Variants in RIPOR3 observed in about 807,000 individuals in gnomAD.
RIPOR3 encodes RIPOR family member 3, also known as family with sequence similarity 65 member C.
Under a neutral mutation model 114.3 loss-of-function variants are expected in RIPOR3, and 95 were observed. That is an observed-to-expected ratio of 0.83 (90% confidence interval 0.70 to 0.99). The LOEUF is 0.99. RIPOR3 is among the 50% of genes least tolerant of loss of function. The pLI is 0.00. For missense variants in RIPOR3, 1,252 were observed against 1,266.9 expected, an observed-to-expected ratio of 0.99 and a Z score of 0.18; for synonymous variants, 575 against 543.8, an observed-to-expected ratio of 1.06 and a Z score of -0.80.
At chr20:50,612,058 G>A (rs2083996814) in intron 4 of RIPOR3, among the ~76,000 whole-genome samples, 1 of 151,464 alleles carries the variant, frequency 6.6e-6, no homozygotes. Flanking sequence ...CTCAGAGGTG[G>A]AGGTTGCAGT....
At chr20:50,644,212 T>C (rs932261370) in intron 1 of RIPOR3, among the ~76,000 whole-genome samples, 1 of 152,150 alleles carries the variant, frequency 6.6e-6, no homozygotes, top group Non-Finnish European at 1.5e-5. Context: ...CCTCATGTAA[T>C]CCTCCCAGCT....
At chr20:50,667,664 G>C (rs1437863392) in intron 1 of RIPOR3, among the ~76,000 whole-genome samples, 1 of 152,204 alleles carries the variant, frequency 6.6e-6, no homozygotes, top group East Asian at 1.9e-4. Context: ...AGAGGGGAGG[G>C]CAGGGGCCAT....
At chr20:50,684,900 C>T (rs932876113) in intron 1 of RIPOR3, among the ~76,000 whole-genome samples, 1 of 152,144 alleles carries the variant, frequency 6.6e-6, no homozygotes, top group Non-Finnish European at 1.5e-5. Flanking sequence ...CTCAGTTTCC[C>T]GAGTACCTGG....
rs71190582 is a variant in RIPOR3 at position 50,643,706 on chromosome 20, CTTTT to C, written c.4-12854_4-12851del. Reference sequence around the variant, plus strand: ...GGCAGGAGGATTTCTTTCTTTCTTTCTTTTTTTTTTTTTTTTTGAGATGGAGCCT... The same window carrying C: ...GGCAGGAGGATTTCTTTCTTTCTTTCTTTTTTTTTTTTTGAGATGGAGCCT... On this transcript the variant is annotated intron_variant, in intron 1 of 21. Coordinates refer to ENST00000327979, the MANE Select transcript of RIPOR3 (RefSeq NM_001290268.2). 9.3e-3 allele frequency among the ~76,000 whole-genome samples: 1,259 copies of C among 134,952 alleles called. 16 individuals are homozygous for C. Among genetic ancestry groups the C allele is most frequent in the African/African-American group, 0.033 (1,201 of 35,954 alleles). 88.5% of individuals were successfully genotyped at this position (134,952 alleles called of 152,430 possible). A position where few individuals can be genotyped will look rare whatever the true frequency, so the allele number is the denominator to read the frequency against.
At chr20:50,642,189 A>C (rs1600662955) in intron 1 of RIPOR3, among the ~76,000 whole-genome samples, 1 of 151,970 alleles carries the variant, frequency 6.6e-6, no homozygotes, top group African/African-American at 2.4e-5. Flanking sequence ...CCGGCTTCCC[A>C]ATCTCCTCTT....
intron 1 of RIPOR3, among the ~76,000 whole-genome samples, chr20:50,674,493 G>A (rs1012020300): frequency 1.3e-5 from 2 of 151,384 alleles, no homozygotes; most frequent in African/African-American, 4.9e-5. Flanking sequence ...TTGATTAGGT[G>A]GTGTTGTGAG....
intron 1 of RIPOR3, among the ~76,000 whole-genome samples, chr20:50,657,586 GATT>G (rs2085854840): frequency 6.6e-6 from 1 of 152,000 alleles, no homozygotes. Context: ...CTGCATTGAG[GATT>G]ATTACCTTTT....
chr20:50,587,939 C>T, intron 20 of RIPOR3, 47 bp from the exon 21 acceptor site: 4 of 1,583,808 alleles, frequency 2.5e-6, no homozygotes, highest in Non-Finnish European at 3.5e-6. Context: ...GCCTTCTCAA[C>T]AGCAGGTAGA....
At chr20:50,596,114 C>G in intron 15 of RIPOR3, 26 bp downstream of exon 15, 2 of 1,613,882 alleles carry the variant, frequency 1.2e-6, no homozygotes, top group Non-Finnish European at 1.7e-6. Context: ...TCTGCCCCTC[C>G]CTGACAAGTC....
chr20:50,594,803 G>C (rs1040321828), intron 16 of RIPOR3, 89 bp from the exon 17 acceptor site: 17 of 1,445,894 alleles, frequency 1.2e-5, no homozygotes, highest in Non-Finnish European at 1.4e-5. Context: ...AGGACCTGAG[G>C]GGGTAGGGAG....
At chr20:50,642,065 C>T (rs2085217458) in intron 1 of RIPOR3, among the ~76,000 whole-genome samples, 1 of 152,154 alleles carries the variant, frequency 6.6e-6, no homozygotes, top group African/African-American at 2.4e-5. Context: ...GGGAGAGGCT[C>T]CTCCTGCTCC....
Position 50,666,183 on chromosome 20 carries a change from A to ATTTCTTTTCTTTTCTTTTCT in RIPOR3, c.3+24923_3+24942dup, listed in dbSNP as rs60151515. Among the ~76,000 whole-genome samples, 399 of 43,768 alleles carry ATTTCTTTTCTTTTCTTTTCT rather than the reference A, an allele frequency of 9.1e-3. 99 individuals carry two copies. Among genetic ancestry groups the ATTTCTTTTCTTTTCTTTTCT allele is most frequent in the East Asian group, 0.087 (77 of 890 alleles). 28.7% of individuals were successfully genotyped at this position (43,768 alleles called of 152,430 possible). A position where few individuals can be genotyped will look rare whatever the true frequency, so the allele number is the denominator to read the frequency against. On this transcript the variant is annotated intron_variant, in intron 1 of 21. Coordinates refer to ENST00000327979, the MANE Select transcript of RIPOR3 (RefSeq NM_001290268.2). Reference sequence around the variant, plus strand: ...CCTAGAATACAGAGAAAGGACACCCATTTCTTTTCTTTTCTTTTCTTTTCT... The same window carrying ATTTCTTTTCTTTTCTTTTCT: ...CCTAGAATACAGAGAAAGGACACCCATTTCTTTTCTTTTCTTTTCTTTTCTTTTCTTTTCTTTTCTTTTCT...
At chr20:50,674,150 G>C (rs1389442622) in intron 1 of RIPOR3, among the ~76,000 whole-genome samples, 7 of 152,132 alleles carry the variant, frequency 4.6e-5, no homozygotes, top group Non-Finnish European at 7.4e-5. Context: ...TGTGGGCCAG[G>C]AAAGAGCATA....
At chr20:50,658,535 CT>C (rs2085891118) in intron 1 of RIPOR3, among the ~76,000 whole-genome samples, 1 of 152,044 alleles carries the variant, frequency 6.6e-6, no homozygotes, top group African/African-American at 2.4e-5. Context: ...GAGTGAGATC[CT>C]ATCTCTACAA....
At chr20:50,670,371 C>G (rs1189614204) in intron 1 of RIPOR3, among the ~76,000 whole-genome samples, 1 of 134,924 alleles carries the variant, frequency 7.4e-6, no homozygotes, top group Non-Finnish European at 1.6e-5. Context: ...ACCCCCACCC[C>G]CACCCACCCA....
intron 1 of RIPOR3, among the ~76,000 whole-genome samples, chr20:50,685,700 A>G (rs551619291): frequency 3.5e-4 from 46 of 131,770 alleles, no homozygotes; most frequent in Non-Finnish European, 6.2e-4. Flanking sequence ...ATGTGCCTGT[A>G]ATCCTAGCTA....
chr20:50,619,552 G>A (rs542305373), intron 3 of RIPOR3, among the ~76,000 whole-genome samples: 5 of 152,038 alleles, frequency 3.3e-5, no homozygotes, highest in East Asian at 1.9e-4. Context: ...AACACCCACC[G>A]CCCTGACCTC....
At chr20:50,681,793 T>C (rs6020685) in intron 1 of RIPOR3, among the ~76,000 whole-genome samples, 20,808 of 152,228 alleles carry the variant, frequency 0.14, 1,502 homozygotes, top group East Asian at 0.22. Flanking sequence ...CTGTAATCCC[T>C]ACGCCATGTG....
intron 17 of RIPOR3, among the ~76,000 whole-genome samples, chr20:50,594,134 A>G (rs1046598821): frequency 8.6e-5 from 13 of 151,980 alleles, no homozygotes; most frequent in African/African-American, 2.9e-4. Flanking sequence ...AAATTAGCCA[A>G]GCGTGGTGGT....
Sources: gnomAD v4.1 joint callset for allele counts (sites outside exome capture counted in the v4.1 genomes callset) on GRCh38, gnomAD v4.1.1 for gene constraint, MANE v1.5 for transcripts, NCBI Gene and HGNC (gene_info 2026-07-23, HGNC 2026-07-21) for gene names.